TRAF7: variants seen among roughly 807,000 people sequenced by gnomAD.
The protein encoded by TRAF7 is TNF receptor associated factor 7, also known as E3 ubiquitin-protein ligase TRAF7.
Under a neutral mutation model 89.3 loss-of-function variants are expected in TRAF7, and 45 were observed. That is an observed-to-expected ratio of 0.50 (90% CI 0.40 to 0.65). The LOEUF (loss-of-function observed/expected upper bound fraction) is 0.65. Ranked by LOEUF, TRAF7 falls within the 30% of genes least tolerant of loss-of-function variation. TRAF7 has a pLI of 0.00. For missense variants in TRAF7, 677 were observed against 918.1 expected (o/e 0.74, Z 3.39); for synonymous variants, 406 against 369.2 (o/e 1.10, Z -1.14).
intron 2 of TRAF7, among the ~76,000 whole-genome samples, chr16:2,164,710 G>A (rs1245211309): frequency 3.6e-5 from 5 of 140,360 alleles, no homozygotes; most frequent in East Asian, 2.2e-4. Context: ...TGAGTGCTGC[G>A]TGGCGCGGCC....
intron 1 of TRAF7, among the ~76,000 whole-genome samples, 151 bp downstream of exon 1, chr16:2,156,009 G>C (rs1418484616): frequency 6.6e-6 from 1 of 151,094 alleles, no homozygotes; most frequent in Non-Finnish European, 1.5e-5. Context: ...AGACGGTCGG[G>C]GTCGGGGTCA....
intron 9 of TRAF7, 115 bp downstream of exon 9, chr16:2,172,714 G>A (rs905710261): frequency 6.2e-6 from 8 of 1,289,364 alleles, no homozygotes; most frequent in East Asian, 2.5e-5. Context: ...GGGCCACACC[G>A]GGGTCTGTAA....
chr16:2,174,243 C>T lies in TRAF7; in HGVS notation c.1264-8C>T, dbSNP rs767991808. The T allele has an allele frequency of 6.2e-7, 1 of 1,612,028 alleles. No individual in the cohort carries two copies. Among genetic ancestry groups the T allele is most frequent in the South Asian group, 1.1e-5 (1 of 90,934 alleles). On this transcript the variant is annotated splice_polypyrimidine_tract_variant and splice_region_variant and intron_variant, in intron 13 of 20. Coordinates refer to ENST00000326181, the MANE Select transcript of TRAF7 (RefSeq NM_032271.3). ...TGCTGGGACCCACTGTGGCCCTGGT[C>T]TCTGCAGGTGTGGGACACATGTACC...
Position 2,173,491 on chromosome 16 carries a change from C to T in TRAF7, c.1023C>T (p.Asp341=), listed in dbSNP as rs955616077. 28 of 1,613,258 alleles carry T rather than the reference C, an allele frequency of 1.7e-5. No individual in the cohort carries two copies. The highest frequency in any genetic ancestry group is 1.6e-4 in the Middle Eastern group (1 of 6,082). Reference sequence around the variant, plus strand: ...CCTCCTGCTACTCAGACGTCCTGGACGAAAACCAGAGCAAGCTCAGCGAGG... The same window carrying T: ...CCTCCTGCTACTCAGACGTCCTGGATGAAAACCAGAGCAAGCTCAGCGAGG... ...KSLELKFDVL[D]ENQSKLSEDL... Residue 341 remains aspartate (D), a synonymous_variant, in exon 11 of 21, where the codon GAC becomes GAT. Transcript: ENST00000326181.
At chr16:2,172,697 G>A (rs1161064126) in intron 9 of TRAF7, 98 bp downstream of exon 9, 26 of 1,385,494 alleles carry the variant, frequency 1.9e-5, no homozygotes, top group Non-Finnish European at 2.3e-5. Context: ...GAGGTAGGCC[G>A]GAGCTGGGGC....
rs973672343 is a variant in TRAF7, at chr16:2,165,798, T to C, written c.82-81T>C. 6.4e-6 allele frequency: 10 copies of C among 1,552,072 alleles called. 1 individual carries two copies. In the African/African-American group the frequency reaches 1.4e-4, roughly 21 times the overall value. Reference sequence around the variant, plus strand: ...TGCGTGGCCTGGCCTGGTCGCGTGTTAGGCATGTGAGTGGGCTCCACATGT... The same window carrying C: ...TGCGTGGCCTGGCCTGGTCGCGTGTCAGGCATGTGAGTGGGCTCCACATGT... On this transcript the variant is annotated intron_variant, in intron 2 of 20. Coordinates refer to ENST00000326181, the MANE Select transcript of TRAF7 (RefSeq NM_032271.3).
In TRAF7 at chr16:2,175,611, C is replaced by G. The variant is rs2141295425; in HGVS notation, c.1615C>G (p.Gln539Glu). ...GAGCTACCTGTACAGCGGCTCCTAC[C>G]AGACAATCAAGGTGCGCTTGGGCAC... ...AQSYLYSGSYQTIKIWDIRTL... is the reference protein window; with the variant it reads ...AQSYLYSGSYETIKIWDIRTL... The change falls in exon 17 of 21, where the codon CAG becomes GAG. Residue 539 changes from glutamine to glutamate, a missense_variant. Gln to Glu is a conservative substitution (Grantham distance 29). Coordinates refer to ENST00000326181, the MANE Select transcript of TRAF7 (RefSeq NM_032271.3). The G allele has an allele frequency of 6.2e-7, 1 of 1,612,144 alleles. No individual in the cohort carries two copies. The highest frequency in any genetic ancestry group is 8.5e-7 in the Non-Finnish European group (1 of 1,179,698).
intron 7 of TRAF7, 84 bp from the exon 8 acceptor site, chr16:2,172,107 G>A: frequency 3.9e-6 from 6 of 1,534,600 alleles, no homozygotes; most frequent in Non-Finnish European, 5.3e-6. Context: ...GACAGATCTG[G>A]CCCCCATTAG....
At chr16:2,172,115 T>C (rs766677056) in intron 7 of TRAF7, 76 bp from the exon 8 acceptor site, 102 of 1,571,944 alleles carry the variant, frequency 6.5e-5, no homozygotes, top group Non-Finnish European at 8.3e-5. Context: ...TGGCCCCCAT[T>C]AGAGGCTCAT....
chr16:2,165,530 G>A lies in TRAF7; in HGVS notation c.82-349G>A, dbSNP rs570898867. On this transcript the variant is annotated intron_variant, in intron 2 of 20. Coordinates refer to ENST00000326181, the MANE Select transcript of TRAF7 (RefSeq NM_032271.3). ...GCATGGTTAAACGTGTGAGTGCTGCGTGGCCTGGCCTGGTCGCATGGTTTA... is the reference window on the plus strand; with the variant it reads ...GCATGGTTAAACGTGTGAGTGCTGCATGGCCTGGCCTGGTCGCATGGTTTA... Among the ~76,000 whole-genome samples, 17 of 128,286 alleles carry A rather than the reference G, an allele frequency of 1.3e-4. 2 individuals are homozygous for A. The highest frequency in any genetic ancestry group is 5.1e-4 in the African/African-American group (16 of 31,334). 84.2% of individuals were successfully genotyped at this position (128,286 alleles called of 152,430 possible). A position where few individuals can be genotyped will look rare whatever the true frequency, so the allele number is the denominator to read the frequency against.
chr16:2,171,687 C>T, intron 7 of TRAF7, 82 bp downstream of exon 7: 2 of 1,600,516 alleles, frequency 1.2e-6, no homozygotes, highest in South Asian at 1.1e-5. Context: ...TCCCTTGTCC[C>T]CTGCACAGCG....
chr16:2,163,831 A>G lies in TRAF7; in HGVS notation c.-38-52A>G. On this transcript the variant is annotated intron_variant, in intron 1 of 20. Transcript: ENST00000326181. This position sits in a 1 kb window ranked among gnomAD's most constrained non-coding sequence, Gnocchi z 4.3. ...ACACTTGCAGCAGCCCGTCTGACTCACAGGGGCCTGGGCTCCATCTCTCAA... is the reference window on the plus strand; with the variant it reads ...ACACTTGCAGCAGCCCGTCTGACTCGCAGGGGCCTGGGCTCCATCTCTCAA... The G allele has an allele frequency of 8.2e-7, 1 of 1,222,796 alleles. No individual in the cohort carries two copies. Among genetic ancestry groups the G allele is most frequent in the Non-Finnish European group, 1.2e-6 (1 of 846,308 alleles). 75.7% of individuals were successfully genotyped at this position (1,222,796 alleles called of 1,614,324 possible).
chr16:2,175,135 A>G lies in TRAF7; in HGVS notation c.1371A>G (p.Ala457=). The G allele has an allele frequency of 6.2e-7, 1 of 1,613,724 alleles. No homozygotes were observed. Among genetic ancestry groups the G allele is most frequent in the Non-Finnish European group, 8.5e-7 (1 of 1,179,940 alleles). Residue 457 remains alanine (A), a synonymous_variant, in exon 15 of 21, where the codon GCA becomes GCG. Transcript: ENST00000326181. ...GGTGCAAACTCTACAGCGGCTCTGC[A>G]GACTGCACCATCATTGTGAGTGGGG... ...IQGCKLYSGS[A]DCTIIVWDIQ...
intron 4 of TRAF7, among the ~76,000 whole-genome samples, chr16:2,169,046 T>C (rs1163831145): frequency 6.6e-6 from 1 of 152,138 alleles, no homozygotes; most frequent in Non-Finnish European, 1.5e-5. Context: ...AGTGCAATGG[T>C]GTGATCTCAG....
rs995960548 is a variant in TRAF7, at chr16:2,158,497, C to T, written c.-39+2639C>T. Among the ~76,000 whole-genome samples, 3 of 152,180 alleles carry T rather than the reference C, an allele frequency of 2.0e-5. No homozygotes were observed. The highest frequency in any genetic ancestry group is 7.2e-5 in the African/African-American group (3 of 41,446). On this transcript the variant is annotated intron_variant, in intron 1 of 20. Coordinates refer to ENST00000326181, the MANE Select transcript of TRAF7 (RefSeq NM_032271.3). The surrounding 1 kb of genome is among the most constrained non-coding windows in gnomAD (Gnocchi z 4.7). ...AAGCACCCAGGTGGGAAGTAGGGGG[C>T]AGCGACGCAGAGGGCCAGGACTGAG... is the stretch of plus-strand genomic sequence containing the variant.
rs1451503652 is a variant in TRAF7 at position 2,155,986 on chromosome 16, G to C, written c.-39+128G>C. 11 of 151,038 alleles carry C rather than the reference G, an allele frequency of 7.3e-5. No individual in the cohort carries two copies. The South Asian group carries it at 2.3e-3, about 31-fold the overall frequency. 9.4% of individuals were successfully genotyped at this position (151,038 alleles called of 1,614,324 possible). On this transcript the variant is annotated intron_variant, in intron 1 of 20. Transcript: ENST00000326181. ...AGGGGTCGGGCCGGGGCGGGGAGGG[G>C]GGGGCGGGGCTGAGACGGTCGGGGT...
intron 1 of TRAF7, among the ~76,000 whole-genome samples, chr16:2,160,506 G>A (rs1386844152): frequency 7.2e-6 from 1 of 137,970 alleles, no homozygotes; most frequent in Non-Finnish European, 1.6e-5. Context: ...GTGGACCGGC[G>A]GGCGGTGTGG....
At position 2,158,219 on chromosome 16, in the gene TRAF7, T is replaced by C. The variant is rs2093043667; in HGVS notation, c.-39+2361T>C. ...TCTCAGTGGGTGGGCACCGAGGACT[T>C]CACCAGGCCCTCTGTGTGGATCATG... On this transcript the variant is annotated intron_variant, in intron 1 of 20. Coordinates refer to ENST00000326181, the MANE Select transcript of TRAF7 (RefSeq NM_032271.3). This position sits in a 1 kb window ranked among gnomAD's most constrained non-coding sequence, Gnocchi z 4.7. Among the ~76,000 whole-genome samples the C allele has an allele frequency of 6.6e-6, 1 of 152,128 alleles. No homozygotes were observed. Among genetic ancestry groups the C allele is most frequent in the Non-Finnish European group, 1.5e-5 (1 of 67,992 alleles).
chr16:2,166,054 C>T (rs946706516), intron 3 of TRAF7, 118 bp downstream of exon 3: 109 of 1,297,788 alleles, frequency 8.4e-5, no homozygotes, highest in East Asian at 1.7e-4. Context: ...CAGTGCTGGG[C>T]GCGGGCAGCC....
Sources: allele counts gnomAD v4.1 joint callset (sites outside exome capture counted in the v4.1 genomes callset), GRCh38; gene constraint gnomAD v4.1.1; non-coding constraint Gnocchi (gnomAD v3.1); transcripts MANE v1.5; gene names NCBI Gene and HGNC (gene_info 2026-07-23, HGNC 2026-07-21).